PTPRD: variants seen among roughly 807,000 people sequenced by gnomAD.
PTPRD encodes the protein protein tyrosine phosphatase receptor type D.
A neutral mutation model predicts 214.5 loss-of-function variants in PTPRD; 34 were observed. The observed-to-expected ratio is 0.16, with a 90% confidence interval of 0.12 to 0.21. The LOEUF (loss-of-function observed/expected upper bound fraction) is 0.21. Ranked by LOEUF, PTPRD falls within the 10% of genes least tolerant of loss-of-function variation. PTPRD has a pLI of 1.00. For synonymous variants in PTPRD, 1,128 were observed against 845.7 expected (o/e 1.33, Z -5.79); for missense variants, 2,545 against 2,398.7 (o/e 1.06, Z -1.27).
intron 5 of PTPRD, among the ~76,000 whole-genome samples, chr9:9,891,245 G>C (rs767404439): frequency 6.6e-6 from 1 of 152,098 alleles, no homozygotes; most frequent in Non-Finnish European, 1.5e-5. Context: ...TGGGGATGGG[G>C]ATGAGATGGA....
At chr9:10,003,107 A>C (rs2096373544) in intron 4 of PTPRD, among the ~76,000 whole-genome samples, 1 of 151,886 alleles carries the variant, frequency 6.6e-6, no homozygotes. Context: ...GTGTGTCTTA[A>C]AGGAAAGATA....
chr9:9,233,981 C>T (rs947887052), intron 9 of PTPRD, among the ~76,000 whole-genome samples: 1 of 152,110 alleles, frequency 6.6e-6, no homozygotes, highest in Non-Finnish European at 1.5e-5. Context: ...GGATGATGGC[C>T]CTTTTTTTCA....
chr9:8,927,494 T>C (rs573720166), intron 11 of PTPRD, among the ~76,000 whole-genome samples: 1 of 152,294 alleles, frequency 6.6e-6, no homozygotes, highest in African/African-American at 2.4e-5. Context: ...TTGCTGAGAA[T>C]GATGGTTTCC....
rs914073990 is a variant in PTPRD, at chr9:8,315,874, G to A, written c.*2000C>T. 1.3e-5 allele frequency: 3 copies of A among 224,714 alleles called. No homozygotes were observed. Among genetic ancestry groups the A allele is most frequent in the East Asian group, 6.5e-5 (1 of 15,498 alleles). 13.9% of individuals were successfully genotyped at this position (224,714 alleles called of 1,614,324 possible). A position where few individuals can be genotyped will look rare whatever the true frequency, so the allele number is the denominator to read the frequency against. Reference sequence around the variant, plus strand: ...ATTATTTAAAATCATGTAATATGTGGCAAACTTATGCCATCATCCATGGCT... The same window carrying A: ...ATTATTTAAAATCATGTAATATGTGACAAACTTATGCCATCATCCATGGCT... On this transcript the variant is annotated 3_prime_UTR_variant, in exon 46 of 46. Transcript: ENST00000381196.
rs753474751 is a variant in PTPRD, at chr9:8,436,689, C to G, written c.3989G>C (p.Gly1330Ala). The G allele has an allele frequency of 6.2e-7, 1 of 1,609,468 alleles. No homozygotes were observed. Among genetic ancestry groups the G allele is most frequent in the South Asian group, 1.1e-5 (1 of 90,508 alleles). The change falls in exon 35 of 46, where the codon GGT (glycine) becomes GCT (alanine). Residue 1330 changes from glycine to alanine, a missense_variant and splice_region_variant. Transcript: ENST00000381196. Reference protein sequence around the residue: ...ELRRLNFQTPGMASHPPIPIL... With the variant: ...ELRRLNFQTPAMASHPPIPIL... ...GGGTATTGGAGGATGGCTAGCCATACCTATTGAAAAAAGCAAAGAAGAAAC... is the reference window on the plus strand; with the variant it reads ...GGGTATTGGAGGATGGCTAGCCATAGCTATTGAAAAAAGCAAAGAAGAAAC...
chr9:10,467,930 A>G (rs2099005294), intron 2 of PTPRD, among the ~76,000 whole-genome samples: 1 of 152,198 alleles, frequency 6.6e-6, no homozygotes, highest in East Asian at 1.9e-4. Flanking sequence ...TTAGAGAAAC[A>G]CAAATCAAAA....
intron 11 of PTPRD, among the ~76,000 whole-genome samples, chr9:8,971,280 T>C (rs2099236570): frequency 6.6e-6 from 1 of 151,730 alleles, no homozygotes; most frequent in Non-Finnish European, 1.5e-5. Context: ...AAAGACATAC[T>C]TTAGCTGGCC....
At chr9:9,872,001 A>T (rs2065590794) in intron 5 of PTPRD, among the ~76,000 whole-genome samples, 1 of 152,168 alleles carries the variant, frequency 6.6e-6, no homozygotes, top group African/African-American at 2.4e-5. Context: ...CCACAAATTC[A>T]AGAGTAAGCA....
rs181233677 is a variant in PTPRD at position 9,072,710 on chromosome 9, T to C, written c.-142-53975A>G. Among the ~76,000 whole-genome samples, 20 of 152,312 alleles carry C rather than the reference T, an allele frequency of 1.3e-4. No individual in the cohort carries two copies. The East Asian group carries it at 3.1e-3, about 24-fold the overall frequency. On this transcript the variant is annotated intron_variant, in intron 10 of 45. Coordinates refer to ENST00000381196, the MANE Select transcript of PTPRD (RefSeq NM_002839.4). ...ACTATGATAATCGTCATTTTGCACATGGGAAATCTTACGTAGCAGGGACTT... is the reference window on the plus strand; with the variant it reads ...ACTATGATAATCGTCATTTTGCACACGGGAAATCTTACGTAGCAGGGACTT...
At chr9:9,923,782 C>T (rs190449132) in intron 5 of PTPRD, among the ~76,000 whole-genome samples, 83 of 151,648 alleles carry the variant, frequency 5.5e-4, no homozygotes, top group Admixed American at 4.3e-3. Flanking sequence ...TCTCATGGGC[C>T]GTATTTTTTA....
At chr9:8,806,345 G>A (rs2096680993) in intron 11 of PTPRD, among the ~76,000 whole-genome samples, 1 of 151,510 alleles carries the variant, frequency 6.6e-6, no homozygotes, top group African/African-American at 2.4e-5. Flanking sequence ...ATAAAATGCT[G>A]ACATCACCAG....
At chr9:9,016,950 A>G (rs1266256036) in intron 11 of PTPRD, among the ~76,000 whole-genome samples, 1 of 152,046 alleles carries the variant, frequency 6.6e-6, no homozygotes, top group African/African-American at 2.4e-5. Context: ...AGTATTTTGG[A>G]TTTAGAGTCA....
chr9:8,964,577 A>C (rs1283480438), intron 11 of PTPRD, among the ~76,000 whole-genome samples: 2 of 151,590 alleles, frequency 1.3e-5, no homozygotes, highest in Non-Finnish European at 2.9e-5. Flanking sequence ...AATTTTAGTT[A>C]TTTCTTTCAT....
intron 9 of PTPRD, among the ~76,000 whole-genome samples, chr9:9,323,292 T>A (rs546782935): frequency 3.9e-5 from 6 of 152,324 alleles, no homozygotes; most frequent in African/African-American, 1.4e-4. Flanking sequence ...TCGATAATAA[T>A]GCTTACAAAG....
At chr9:9,816,712 C>G (rs1212434280) in intron 5 of PTPRD, among the ~76,000 whole-genome samples, 2 of 151,946 alleles carry the variant, frequency 1.3e-5, no homozygotes, top group Non-Finnish European at 2.9e-5. Context: ...GGATGCCTTA[C>G]CCCAAAATAT....
intron 39 of PTPRD, among the ~76,000 whole-genome samples, chr9:8,372,211 C>T (rs947451477): frequency 2.0e-4 from 31 of 152,036 alleles, no homozygotes; most frequent in African/African-American, 6.5e-4. Flanking sequence ...TGTTTATAAA[C>T]ATCTGTTATT....
At chr9:9,113,905 T>C (rs1457120969) in intron 10 of PTPRD, among the ~76,000 whole-genome samples, 1 of 152,142 alleles carries the variant, frequency 6.6e-6, no homozygotes, top group Non-Finnish European at 1.5e-5. Flanking sequence ...TGGCTTAGTA[T>C]TCACCAAAAA....
intron 6 of PTPRD, among the ~76,000 whole-genome samples, chr9:9,740,185 G>A (rs1229982956): frequency 6.6e-6 from 1 of 150,662 alleles, no homozygotes; most frequent in African/African-American, 2.4e-5. Flanking sequence ...AATATTAGAA[G>A]ATGCATGTTG....
chr9:9,130,290 T>G (rs1355575545), intron 10 of PTPRD, among the ~76,000 whole-genome samples: 2 of 152,256 alleles, frequency 1.3e-5, no homozygotes, highest in African/African-American at 2.4e-5. Flanking sequence ...CTATGAAAAT[T>G]TGGGCATTTA....
Sources: gnomAD v4.1 joint callset for allele counts (sites outside exome capture counted in the v4.1 genomes callset) on GRCh38, gnomAD v4.1.1 for gene constraint, MANE v1.5 for transcripts, NCBI Gene and HGNC (gene_info 2026-07-23, HGNC 2026-07-21) for gene names.